The following ATG7 variants were observed in gnomAD, a reference collection of about 807,000 sequenced individuals.
ATG7 encodes autophagy related 7.
In ATG7, 70 loss-of-function variants were observed where a neutral mutation model predicts 82.4. The ratio of observed to expected loss-of-function variants is 0.85; its 90% CI spans 0.70 to 1.04. The LOEUF (loss-of-function observed/expected upper bound fraction) is 1.04. ATG7 is among the 50% of genes least tolerant of loss of function. The pLI is 0.00. For missense variants in ATG7, 792 were observed against 864.3 expected, an observed-to-expected ratio of 0.92 and a Z score of 1.05; for synonymous variants, 287 against 313.0, an observed-to-expected ratio of 0.92 and a Z score of 0.88.
rs745726502 is a variant in ATG7 at position 11,347,872 on chromosome 3, C to T, written c.1126-5C>T. On this transcript the variant is annotated splice_region_variant and splice_polypyrimidine_tract_variant and intron_variant, in intron 13 of 20. Transcript: ENST00000693202. ...AACACACCATGATCTCCTGTTTCCA[C>T]ACAGGGTTGGGGCGTGAGACACATC... 4 of 1,610,996 alleles carry T rather than the reference C, an allele frequency of 2.5e-6. No individual in the cohort carries two copies. In the African/African-American group the frequency reaches 5.3e-5, roughly 22 times the overall value.
In ATG7 at chr3:11,536,409, G is replaced by A. The variant is rs114732076; in HGVS notation, c.2080-18402G>A. ...GGGCTACCGGCTCCACCTGGCCAGC[G>A]CCCTGTTCCCACAGCAGGACCAGCT... On this transcript the variant is annotated intron_variant, in intron 20 of 20. Coordinates refer to ENST00000693202, the MANE Select transcript of ATG7 (RefSeq NM_001349232.2). Among the ~76,000 whole-genome samples, 1,176 of 152,326 alleles carry A rather than the reference G, an allele frequency of 7.7e-3. 12 individuals are homozygous for A. The highest frequency in any genetic ancestry group is 0.027 in the African/African-American group (1,128 of 41,580).
At chr3:11,303,917 C>CAAAAAA (rs55893689) in intron 5 of ATG7, among the ~76,000 whole-genome samples, 2 of 75,898 alleles carry the variant, frequency 2.6e-5, no homozygotes, top group African/African-American at 9.9e-5. Flanking sequence ...ACTAAAAATG[C>CAAAAAA]AAAAAAAAAA....
downstream of ATG7, among the ~76,000 whole-genome samples, chr3:11,560,146 GC>G (rs977645492): frequency 4.6e-5 from 7 of 151,528 alleles, no homozygotes; most frequent in African/African-American, 1.7e-4. Context: ...ACTGGCCACC[GC>G]CCCACCACCA....
intron 20 of ATG7, among the ~76,000 whole-genome samples, chr3:11,496,685 A>G (rs2090858000): frequency 6.6e-6 from 1 of 152,114 alleles, no homozygotes; most frequent in Non-Finnish European, 1.5e-5. Context: ...GTCTCATTTG[A>G]TCTTGTTGTA....
chr3:11,293,683 C>T (rs569202656), intron 3 of ATG7, among the ~76,000 whole-genome samples: 22 of 151,382 alleles, frequency 1.5e-4, no homozygotes, highest in African/African-American at 4.8e-4. Flanking sequence ...CCTGTCTCTA[C>T]TAAAAAATAC....
At chr3:11,289,859 C>T in intron 3 of ATG7, among the ~76,000 whole-genome samples, 1 of 152,102 alleles carries the variant, frequency 6.6e-6, no homozygotes, top group East Asian at 1.9e-4. Context: ...TGCACTGGGC[C>T]TTTTTTTTCT....
chr3:11,285,142 T>C (rs1943766355), intron 3 of ATG7, among the ~76,000 whole-genome samples: 1 of 133,922 alleles, frequency 7.5e-6, no homozygotes, highest in African/African-American at 3.2e-5. Context: ...GAGCCACCTT[T>C]TTTTTTTTTT....
chr3:11,353,668 G>A (rs1400461791), intron 14 of ATG7, among the ~76,000 whole-genome samples: 5 of 152,020 alleles, frequency 3.3e-5, no homozygotes, highest in Admixed American at 2.0e-4. Context: ...TCACGTGAGC[G>A]AGAGCTAGTT....
intron 20 of ATG7, among the ~76,000 whole-genome samples, chr3:11,539,865 G>A (rs2070682023): frequency 6.6e-6 from 1 of 152,226 alleles, no homozygotes; most frequent in Non-Finnish European, 1.5e-5. Flanking sequence ...CTGCACAGCC[G>A]CCTGGAGGTT....
At chr3:11,424,096 C>A (rs983766630) in intron 19 of ATG7, among the ~76,000 whole-genome samples, 4 of 152,036 alleles carry the variant, frequency 2.6e-5, no homozygotes, top group African/African-American at 7.2e-5. Context: ...CCCCTGCCTC[C>A]CGTCGCCTGG....
In ATG7 at chr3:11,552,962, C is replaced by T. The variant is rs77076863; in HGVS notation, c.2080-1849C>T. Among the ~76,000 whole-genome samples, 1,268 of 152,324 alleles carry T rather than the reference C, an allele frequency of 8.3e-3. 17 individuals carry two copies. Among genetic ancestry groups the T allele is most frequent in the African/African-American group, 0.028 (1,180 of 41,558 alleles). On this transcript the variant is annotated intron_variant, in intron 20 of 20. Coordinates refer to ENST00000693202, the MANE Select transcript of ATG7 (RefSeq NM_001349232.2). ...ATAAAGCCCAGCCCCGGCCCAGGCC[C>T]GAGTCCTCTTATGAACAGAACAACC...
intron 20 of ATG7, among the ~76,000 whole-genome samples, chr3:11,496,187 G>A (rs1278500668): frequency 6.6e-6 from 1 of 152,178 alleles, no homozygotes; most frequent in Non-Finnish European, 1.5e-5. Flanking sequence ...ACAGAGAAAG[G>A]GTTTGGCATT....
At chr3:11,545,287 GT>G (rs1180099857) in intron 20 of ATG7, among the ~76,000 whole-genome samples, 1 of 152,170 alleles carries the variant, frequency 6.6e-6, no homozygotes, top group African/African-American at 2.4e-5. Flanking sequence ...TGATGGGATT[GT>G]TTTTTTGAGA....
chr3:11,409,527 A>T (rs1022603257), intron 19 of ATG7, among the ~76,000 whole-genome samples: 6 of 152,216 alleles, frequency 3.9e-5, no homozygotes, highest in African/African-American at 1.4e-4. Flanking sequence ...AATGCATTTT[A>T]TATTTAGGGT....
intron 19 of ATG7, among the ~76,000 whole-genome samples, chr3:11,393,757 T>G (rs1472712660): frequency 1.3e-5 from 2 of 152,066 alleles, no homozygotes; most frequent in African/African-American, 4.8e-5. Context: ...CTTGGCTCAC[T>G]GCAACCTCCA....
intron 18 of ATG7, among the ~76,000 whole-genome samples, chr3:11,368,627 A>G (rs751373122): frequency 1.1e-4 from 17 of 152,032 alleles, no homozygotes; most frequent in Non-Finnish European, 2.9e-5. Flanking sequence ...CCCCGTCTCT[A>G]CAAAAAATTA....
At chr3:11,492,790 G>A (rs1306227662) in intron 20 of ATG7, among the ~76,000 whole-genome samples, 1 of 152,214 alleles carries the variant, frequency 6.6e-6, no homozygotes, top group Non-Finnish European at 1.5e-5. Context: ...GCGGGAGGGA[G>A]CATGTAGGCC....
At chr3:11,558,489 A>C, downstream of ATG7, 2 of 704,480 alleles carry the variant, frequency 2.8e-6, no homozygotes, top group Non-Finnish European at 3.7e-6. Flanking sequence ...TTTTTTTTTT[A>C]AGTACTGACT....
At chr3:11,363,391 C>T (rs1332098009) in intron 17 of ATG7, among the ~76,000 whole-genome samples, 1 of 152,108 alleles carries the variant, frequency 6.6e-6, no homozygotes, top group Non-Finnish European at 1.5e-5. Context: ...TACAGGCATA[C>T]GCCACCATGC....
Sources: gnomAD v4.1 joint callset for allele counts (sites outside exome capture counted in the v4.1 genomes callset) on GRCh38, gnomAD v4.1.1 for gene constraint, MANE v1.5 for transcripts, NCBI Gene and HGNC (gene_info 2026-07-23, HGNC 2026-07-21) for gene names.